TLN2: variants seen among roughly 807,000 people sequenced by gnomAD.
TLN2 encodes the protein talin 2.
Under a neutral mutation model 294.7 loss-of-function variants are expected in TLN2, and 118 were observed. The ratio of observed to expected loss-of-function variants is 0.40; its 90% CI spans 0.34 to 0.47. The LOEUF (loss-of-function observed/expected upper bound fraction) is 0.47. Ranked by LOEUF, TLN2 falls within the 20% of genes least tolerant of loss-of-function variation. The probability of loss-of-function intolerance (pLI) is 0.84; values close to 1 mark genes in which losing one functional copy is unlikely to be tolerated. For synonymous variants in TLN2, 1,431 were observed against 1,304.5 expected (o/e 1.10, Z -2.09); for missense variants, 3,083 against 3,282.2 (o/e 0.94, Z 1.48).
chr15:62,702,817 G>C lies in TLN2; in HGVS notation c.1957G>C (p.Asp653His). ...AAGSIGQASG[D>H]LLRQIGENET... ...TGGCAGCATCGGACAAGCCAGTGGG[G>C]ATCTTCTGAGACAGATTGGAGAGAA... The change falls in exon 19 of 59, where the codon GAT becomes CAT. Residue 653 changes from aspartate (D) to histidine (H), a missense_variant. Asp to His is a moderately conservative substitution (Grantham distance 81). Transcript: ENST00000636159. 1 of 1,614,228 alleles carries C rather than the reference G, an allele frequency of 6.2e-7. No homozygotes were observed. The highest frequency in any genetic ancestry group is 1.7e-5 in the Admixed American group (1 of 60,032).
chr15:62,524,760 T>C (rs1408170028), intron 1 of TLN2, among the ~76,000 whole-genome samples: 1 of 152,236 alleles, frequency 6.6e-6, no homozygotes, highest in Non-Finnish European at 1.5e-5. Context: ...ATATGCTTGC[T>C]TTTATTCATT....
chr15:62,407,830 G>A (rs1850575), intron 1 of TLN2, among the ~76,000 whole-genome samples: 35,101 of 151,816 alleles, frequency 0.23, 4,274 homozygotes, highest in Non-Finnish European at 0.27. Flanking sequence ...CATGAGAATC[G>A]CTTGAACCCG....
chr15:62,630,016 T>C (rs1421106782), intron 3 of TLN2, among the ~76,000 whole-genome samples: 1 of 152,216 alleles, frequency 6.6e-6, no homozygotes, highest in Non-Finnish European at 1.5e-5. Flanking sequence ...ATTATCTTTT[T>C]TTGTTTCTTT....
At chr15:62,527,602 A>G (rs561125082) in intron 1 of TLN2, among the ~76,000 whole-genome samples, 2 of 152,312 alleles carry the variant, frequency 1.3e-5, no homozygotes, top group South Asian at 4.1e-4. Context: ...TTTACAGAAA[A>G]TGTCTTTCAT....
chr15:62,390,805 T>G (rs907876458), intron 1 of TLN2, 120 bp downstream of exon 1: 9 of 152,190 alleles, frequency 5.9e-5, no homozygotes, highest in African/African-American at 1.9e-4. Flanking sequence ...TTTTCCTCCC[T>G]TTTGCTTCTC....
chr15:62,606,400 A>T (rs1314804149), intron 2 of TLN2, among the ~76,000 whole-genome samples: 2 of 151,770 alleles, frequency 1.3e-5, no homozygotes, highest in African/African-American at 4.8e-5. Context: ...CCCAAAAGAT[A>T]TTTTTTTTAG....
chr15:62,459,024 CAG>C (rs2036641994), intron 1 of TLN2, among the ~76,000 whole-genome samples: 3 of 151,518 alleles, frequency 2.0e-5, no homozygotes, highest in East Asian at 3.9e-4. Context: ...TTTTTGGAGA[CAG>C]AGTCTCACTC....
intron 2 of TLN2, among the ~76,000 whole-genome samples, chr15:62,605,442 A>G (rs1436047129): frequency 6.6e-6 from 1 of 152,196 alleles, no homozygotes; most frequent in African/African-American, 2.4e-5. Context: ...TTAAAGCTGG[A>G]GTCGATTTAA....
At chr15:62,736,601 G>C (rs2061028619) in intron 28 of TLN2, among the ~76,000 whole-genome samples, 1 of 152,168 alleles carries the variant, frequency 6.6e-6, no homozygotes, top group African/African-American at 2.4e-5. Context: ...GGTGTTCTAG[G>C]TCTAGGGACA....
rs181766014 is a variant in TLN2, at chr15:62,429,642, T to G, written c.-238+38957T>G. Among the ~76,000 whole-genome samples the G allele has an allele frequency of 3.9e-4, 59 of 152,198 alleles. No homozygotes were observed. In the East Asian group the frequency reaches 0.011, roughly 29 times the overall value. On this transcript the variant is annotated intron_variant, in intron 1 of 58. Transcript: ENST00000636159. ...CTTTAGACATGCCAACAGGTTTGGG[T>G]TAATTTTGGGGGTGGGAACTGGAAG...
chr15:62,738,815 T>TAG (rs1214859650), intron 30 of TLN2, among the ~76,000 whole-genome samples: 2 of 152,204 alleles, frequency 1.3e-5, no homozygotes, highest in African/African-American at 4.8e-5. Context: ...GGGTGATGAA[T>TAG]AGAGTCTAGC....
intron 1 of TLN2, among the ~76,000 whole-genome samples, chr15:62,579,856 A>T (rs907996026): frequency 8.5e-5 from 13 of 152,208 alleles, no homozygotes; most frequent in Admixed American, 2.6e-4. Context: ...TCCTCGAGCT[A>T]ATGGTCAGGG....
intron 1 of TLN2, among the ~76,000 whole-genome samples, chr15:62,450,853 G>GAGCTACCAT (rs540953069): frequency 7.1e-4 from 108 of 152,140 alleles, no homozygotes; most frequent in Non-Finnish European, 1.4e-3. Flanking sequence ...TTATAGGCAT[G>GAGCTACCAT]AGCTACCATG....
chr15:62,596,175 G>A (rs1241662228), intron 2 of TLN2, among the ~76,000 whole-genome samples: 2 of 149,684 alleles, frequency 1.3e-5, no homozygotes, highest in Admixed American at 6.7e-5. Context: ...TGAGGCAGGA[G>A]AATGGCGTGA....
At chr15:62,761,925 G>T in intron 38 of TLN2, 104 bp downstream of exon 38, 1 of 1,442,452 alleles carries the variant, frequency 6.9e-7, no homozygotes, top group Non-Finnish European at 9.6e-7. Context: ...CTGTCAACAT[G>T]TAGGCTACTG....
chr15:62,762,865 G>C (rs2062763316), intron 39 of TLN2, among the ~76,000 whole-genome samples: 1 of 152,190 alleles, frequency 6.6e-6, no homozygotes, highest in South Asian at 2.1e-4. Context: ...AGCAGGATTT[G>C]TGGTTGCAGT....
chr15:62,526,279 GCCA>G (rs2040735786), intron 1 of TLN2, among the ~76,000 whole-genome samples: 1 of 152,074 alleles, frequency 6.6e-6, no homozygotes, highest in Non-Finnish European at 1.5e-5. Flanking sequence ...ATAGGCATGT[GCCA>G]CCATGCCTGG....
In TLN2 at chr15:62,825,818, ATATATAT is replaced by A. The variant is rs377038608; in HGVS notation, c.7002+5213_7002+5219del. On this transcript the variant is annotated intron_variant, in intron 54 of 58. Coordinates refer to ENST00000636159, the MANE Select transcript of TLN2 (RefSeq NM_015059.3). Reference sequence around the variant, plus strand: ...AATATATATTATATATTATATTATAATATATATTATAATATATAATATATATAAATAT... The same window carrying A: ...AATATATATTATATATTATATTATAATATAATATATAATATATATAAATAT... Among the ~76,000 whole-genome samples, 24 of 74,468 alleles carry A rather than the reference ATATATAT, an allele frequency of 3.2e-4. 1 individual carries two copies. In the South Asian group the frequency reaches 7.0e-3, roughly 22 times the overall value. The allele number at this position is 74,468 out of a possible 152,430, so 48.9% of individuals were successfully genotyped here. A position where few individuals can be genotyped will look rare whatever the true frequency, so the allele number is the denominator to read the frequency against.
chr15:62,583,492 CCTTCTTTTTTTGTT>C (rs2045320543), intron 1 of TLN2, among the ~76,000 whole-genome samples: 1 of 148,186 alleles, frequency 6.7e-6, no homozygotes, highest in Admixed American at 6.8e-5. Flanking sequence ...CTCCTCTCGC[CCTTCTTTTTTTGTT>C]TTTTTTTGGA....
Sources: gnomAD v4.1 joint callset for allele counts (sites outside exome capture counted in the v4.1 genomes callset) on GRCh38, gnomAD v4.1.1 for gene constraint, MANE v1.5 for transcripts, NCBI Gene and HGNC (gene_info 2026-07-23, HGNC 2026-07-21) for gene names.